SUGP1: variants seen among roughly 807,000 people sequenced by gnomAD.
The protein encoded by SUGP1 is SURP and G-patch domain containing 1.
In SUGP1, 34 loss-of-function variants were observed where a neutral mutation model predicts 76.5. The ratio of observed to expected loss-of-function variants is 0.44; its 90% CI spans 0.34 to 0.59. SUGP1 has a LOEUF of 0.59. SUGP1 is among the 20% of genes least tolerant of loss of function. The pLI is 0.01. For missense variants in SUGP1, 752 were observed against 851.7 expected, an observed-to-expected ratio of 0.88 and a Z score of 1.46; for synonymous variants, 326 against 326.2, an observed-to-expected ratio of 1.00 and a Z score of 0.01.
chr19:19,286,098 C>T (rs1247634458), intron 8 of SUGP1, among the ~76,000 whole-genome samples: 1 of 152,236 alleles, frequency 6.6e-6, no homozygotes, highest in East Asian at 1.9e-4. Flanking sequence ...GGTAAAAATG[C>T]CTGGACAACA....
chr19:19,317,808 C>CGTT, intron 1 of SUGP1, among the ~76,000 whole-genome samples: 1 of 110,592 alleles, frequency 9.0e-6, no homozygotes, highest in East Asian at 2.8e-4. Flanking sequence ...GCCCCAGTGG[C>CGTT]TTTTTTTTTT....
intron 13 of SUGP1, 69 bp downstream of exon 13, chr19:19,276,878 G>A (rs1344995279): frequency 1.3e-5 from 21 of 1,591,906 alleles, no homozygotes; most frequent in Non-Finnish European, 1.6e-5. Flanking sequence ...GGAAGGAAGG[G>A]AGCCTTCTGT....
chr19:19,294,170 GA>G (rs2061206913), intron 8 of SUGP1, among the ~76,000 whole-genome samples: 1 of 151,514 alleles, frequency 6.6e-6, no homozygotes, highest in Non-Finnish European at 1.5e-5. Flanking sequence ...CTGCGTGACA[GA>G]GTGAGACCCT....
At chr19:19,297,400 A>ATTCTGGGCAGGGGCAGTTCTGGCC in intron 7 of SUGP1, 56 bp from the exon 8 acceptor site, 1 of 1,349,532 alleles carries the variant, frequency 7.4e-7, no homozygotes, top group Non-Finnish European at 1.0e-6. Flanking sequence ...CCTGTCCCTG[A>ATTCTGGGCAGGGGCAGTTCTGGCC]TTCTGGGCAG....
intron 6 of SUGP1, among the ~76,000 whole-genome samples, chr19:19,302,947 C>T (rs1159425498): frequency 2.6e-5 from 4 of 152,106 alleles, no homozygotes; most frequent in Admixed American, 6.5e-5. Flanking sequence ...CCCAGGCCCT[C>T]GGCCCTACAC....
At chr19:19,316,799 C>T (rs188472448) in intron 1 of SUGP1, among the ~76,000 whole-genome samples, 1 of 152,076 alleles carries the variant, frequency 6.6e-6, no homozygotes, top group African/African-American at 2.4e-5. Context: ...TCTCTGCCCA[C>T]GTGGGACTCG....
chr19:19,282,747 C>G (rs1259052442), intron 8 of SUGP1, among the ~76,000 whole-genome samples: 1 of 152,138 alleles, frequency 6.6e-6, no homozygotes, highest in East Asian at 1.9e-4. Flanking sequence ...GTCAGATGAA[C>G]CACGTAGCCT....
At chr19:19,292,119 A>G (rs1412757152) in intron 8 of SUGP1, among the ~76,000 whole-genome samples, 1 of 151,348 alleles carries the variant, frequency 6.6e-6, no homozygotes, top group African/African-American at 2.4e-5. Flanking sequence ...CTAATAATAC[A>G]AAAATTAGCC....
rs114573949 is a variant in SUGP1 at position 19,303,570 on chromosome 19, C to T, written c.663-122G>A. 4,787 of 1,334,576 alleles carry T rather than the reference C, an allele frequency of 3.6e-3. 143 individuals carry two copies. The African/African-American group carries it at 0.061, about 17-fold the overall frequency. The allele number at this position is 1,334,576 out of a possible 1,614,324, so 82.7% of individuals were successfully genotyped here. ...GAGCAGGGACCCGAAAGCAAGTCTC[C>T]GTGCCACATGGGAGCCACTTGTCAC... On this transcript the variant is annotated intron_variant, in intron 5 of 13. Coordinates refer to ENST00000247001, the MANE Select transcript of SUGP1 (RefSeq NM_172231.4).
At chr19:19,305,614 C>G in intron 4 of SUGP1, 1 of 447,328 alleles carries the variant, frequency 2.2e-6, no homozygotes, top group Non-Finnish European at 4.0e-6. Flanking sequence ...AAGATGGATC[C>G]CGCTGCTCCC....
intron 3 of SUGP1, among the ~76,000 whole-genome samples, chr19:19,308,440 G>C (rs1251693683): frequency 6.6e-6 from 1 of 152,274 alleles, no homozygotes; most frequent in African/African-American, 2.4e-5. Flanking sequence ...TTCAGTGAGA[G>C]CACAGACGTG....
At chr19:19,309,283 A>G (rs2061337672) in intron 3 of SUGP1, among the ~76,000 whole-genome samples, 1 of 152,090 alleles carries the variant, frequency 6.6e-6, no homozygotes, top group South Asian at 2.1e-4. Flanking sequence ...TTAGGAGTCC[A>G]AGACCAGCGT....
chr19:19,292,616 G>A (rs368955066), intron 8 of SUGP1, among the ~76,000 whole-genome samples: 136 of 152,126 alleles, frequency 8.9e-4, no homozygotes, highest in African/African-American at 3.2e-3. Context: ...AGTAAGCTGA[G>A]ATCGCGCTAC....
rs759259125 is a variant in SUGP1, at chr19:19,277,788, T to A, written c.1727A>T (p.Lys576Met). The change falls in exon 12 of 14, where the codon AAG (lysine) becomes ATG (methionine). Residue 576 changes from lysine (K) to methionine (M), a missense_variant. By Grantham distance (95) the Lys-to-Met change is moderately conservative. Transcript: ENST00000247001. ...GYQMLMKMGWKEGEGLGSEGQ... is the reference protein window; with the variant it reads ...GYQMLMKMGWMEGEGLGSEGQ... Reference sequence around the variant, plus strand: ...CTCTGAGCCCAGCCCCTCGCCCTCCTTCCAGCCCATCTTCATCAGCATCTG... The same window carrying A: ...CTCTGAGCCCAGCCCCTCGCCCTCCATCCAGCCCATCTTCATCAGCATCTG... 6.2e-7 allele frequency: 1 copy of A among 1,613,936 alleles called. No individual in the cohort carries two copies. Among genetic ancestry groups the A allele is most frequent in the East Asian group, 2.2e-5 (1 of 44,902 alleles).
At chr19:19,291,439 G>A (rs1428866121) in intron 8 of SUGP1, among the ~76,000 whole-genome samples, 1 of 152,086 alleles carries the variant, frequency 6.6e-6, no homozygotes, top group Non-Finnish European at 1.5e-5. Flanking sequence ...TAAGACATAA[G>A]TTAAAAGGAC....
chr19:19,280,532 A>C, intron 8 of SUGP1: 2 of 491,116 alleles, frequency 4.1e-6, no homozygotes, highest in South Asian at 2.9e-5. Context: ...GCACCACCAC[A>C]TTGCAGATGT....
chr19:19,278,839 A>G (rs951580270), intron 10 of SUGP1, 43 bp from the exon 11 acceptor site: 2 of 1,582,782 alleles, frequency 1.3e-6, no homozygotes, highest in African/African-American at 1.4e-5. Flanking sequence ...AGAAGCAGGA[A>G]GGAGGGGAGC....
At chr19:19,314,872 T>C (rs1214097830) in intron 2 of SUGP1, among the ~76,000 whole-genome samples, 1 of 152,092 alleles carries the variant, frequency 6.6e-6, no homozygotes, top group Non-Finnish European at 1.5e-5. Context: ...CCGCCTCTAC[T>C]AAAAATACAA....
chr19:19,277,527 G>A (rs368750449), intron 12 of SUGP1, among the ~76,000 whole-genome samples: 63 of 152,300 alleles, frequency 4.1e-4, no homozygotes, highest in African/African-American at 1.3e-3. Flanking sequence ...ATGAGGGGAC[G>A]GAAGGAGGCC....
Sources: gnomAD v4.1 joint callset for allele counts (sites outside exome capture counted in the v4.1 genomes callset) on GRCh38, gnomAD v4.1.1 for gene constraint, MANE v1.5 for transcripts, NCBI Gene and HGNC (gene_info 2026-07-23, HGNC 2026-07-21) for gene names.